Variants in CYP4Z1 observed in about 807,000 individuals in gnomAD.
CYP4Z1 encodes cytochrome P450 family 4 subfamily Z member 1.
CYP4Z1 carries 41 observed loss-of-function variants against 54.2 expected under a neutral mutation model. The ratio of observed to expected loss-of-function variants is 0.76; its 90% CI spans 0.59 to 0.98. The LOEUF is 0.98. Among genes scored for constraint, CYP4Z1 ranks in the 50% least tolerant of loss-of-function variants. The pLI, the probability that CYP4Z1 is intolerant of heterozygous loss-of-function variation, is 0.00. For synonymous variants in CYP4Z1, 163 were observed against 206.2 expected, an observed-to-expected ratio of 0.79 and a Z score of 1.79; for missense variants, 513 against 599.0, an observed-to-expected ratio of 0.86 and a Z score of 1.50.
intron 8 of CYP4Z1, among the ~76,000 whole-genome samples, chr1:47,101,666 A>G (rs1644722386): frequency 6.6e-6 from 1 of 152,190 alleles, no homozygotes; most frequent in African/African-American, 2.4e-5. Flanking sequence ...GTGTCCTAAC[A>G]TACAGTCTAT....
rs1308317829 is a variant in CYP4Z1 at position 47,093,731 on chromosome 1, C to G, written c.773-835C>G. On this transcript the variant is annotated intron_variant, in intron 6 of 11. Coordinates refer to ENST00000334194, the MANE Select transcript of CYP4Z1 (RefSeq NM_178134.3). ...ATTTGGCTATGGAAGACATTTTACT[C>G]CTAACTGCTAAAGGCAGAACTTTCC... is the stretch of plus-strand genomic sequence containing the variant. Among the ~76,000 whole-genome samples, 8 of 152,242 alleles carry G rather than the reference C, an allele frequency of 5.3e-5. No individual in the cohort carries two copies. In the East Asian group the frequency reaches 1.5e-3, roughly 29 times the overall value.
chr1:47,109,438 AGT>A (rs1170592454), intron 9 of CYP4Z1, among the ~76,000 whole-genome samples: 1 of 152,208 alleles, frequency 6.6e-6, no homozygotes, highest in Non-Finnish European at 1.5e-5. Context: ...CTTTAGGAAA[AGT>A]GTATATTAAT....
At chr1:47,088,103 T>C (rs1644611350) in intron 6 of CYP4Z1, among the ~76,000 whole-genome samples, 1 of 152,212 alleles carries the variant, frequency 6.6e-6, no homozygotes. Flanking sequence ...TTGCCAGTAT[T>C]TTATTAAGGA....
At chr1:47,116,496 A>G (rs1270946702) in intron 10 of CYP4Z1, among the ~76,000 whole-genome samples, 154 bp from the exon 11 acceptor site, 2 of 152,160 alleles carry the variant, frequency 1.3e-5, no homozygotes, top group Non-Finnish European at 1.5e-5. Context: ...GGGGAACATC[A>G]AGCAGGACTT....
chr1:47,067,497 C>G lies in CYP4Z1; in HGVS notation c.7C>G (p.Pro3Ala). 6.2e-7 allele frequency: 1 copy of G among 1,606,080 alleles called. No individual in the cohort carries two copies. Residue 3 changes from proline (P) to alanine (A), a missense_variant, in exon 1 of 12, where the codon CCC (proline) becomes GCC (alanine). Pro to Ala is a conservative substitution (Grantham distance 27). Coordinates refer to ENST00000334194, the MANE Select transcript of CYP4Z1 (RefSeq NM_178134.3). ME[P>A]SWLQELMAHP... ...CTCAGGACCTCTGAGAAGAATGGAG[C>G]CCTCCTGGCTTCAGGAACTCATGGC...
intron 8 of CYP4Z1, among the ~76,000 whole-genome samples, chr1:47,102,923 C>G (rs1472308205): frequency 6.6e-6 from 1 of 151,848 alleles, no homozygotes; most frequent in Non-Finnish European, 1.5e-5. Context: ...GTTTTCTAAC[C>G]CTTTTGTTTC....
chr1:47,115,725 C>A, intron 10 of CYP4Z1, 132 bp downstream of exon 10: 1 of 855,296 alleles, frequency 1.2e-6, no homozygotes, highest in Non-Finnish European at 1.8e-6. Context: ...AACAAAAACC[C>A]TATGCTTTTA....
chr1:47,103,595 C>CTTTTTTTTTTTTTTTTTTT (rs373166937), intron 8 of CYP4Z1, among the ~76,000 whole-genome samples: 9 of 96,012 alleles, frequency 9.4e-5, no homozygotes, highest in East Asian at 6.7e-4. Flanking sequence ...TCTTTTTTTT[C>CTTTTTTTTTTTTTTTTTTT]TTTTTTTTTT....
intron 6 of CYP4Z1, among the ~76,000 whole-genome samples, chr1:47,092,247 A>G (rs1323284471): frequency 9.2e-5 from 14 of 151,920 alleles, no homozygotes; most frequent in South Asian, 8.3e-4. Flanking sequence ...GGACTTTGCA[A>G]GCCTGCAAAG....
intron 9 of CYP4Z1, among the ~76,000 whole-genome samples, chr1:47,111,488 A>T (rs1158140907): frequency 1.3e-5 from 2 of 152,100 alleles, no homozygotes; most frequent in Non-Finnish European, 2.9e-5. Flanking sequence ...CAGCCCTGCA[A>T]TTTTTTAAAG....
chr1:47,076,205 G>A (rs1417098868), intron 2 of CYP4Z1, among the ~76,000 whole-genome samples: 4 of 148,298 alleles, frequency 2.7e-5, no homozygotes, highest in African/African-American at 1.0e-4. Flanking sequence ...TTAAAGTTTT[G>A]TCAATTTTGT....
rs778116331 is a variant in CYP4Z1 at position 47,117,831 on chromosome 1, G to A, written c.1415G>A (p.Arg472His). ...GTGGCAGTGGCATTAACTCTGCTCC[G>A]CTTCAAGCTGGCTCCAGACCACTCA... ...CKVAVALTLL[R>H]FKLAPDHSRP... Residue 472 changes from arginine (R) to histidine (H), a missense_variant, in exon 12 of 12, where the codon CGC (arginine) becomes CAC (histidine). Transcript: ENST00000334194. 2.5e-5 allele frequency: 40 copies of A among 1,613,514 alleles called. No homozygotes were observed. Among genetic ancestry groups the A allele is most frequent in the East Asian group, 4.5e-5 (2 of 44,870 alleles).
intron 7 of CYP4Z1, among the ~76,000 whole-genome samples, chr1:47,096,067 A>G (rs1337011045): frequency 5.3e-5 from 8 of 152,178 alleles, no homozygotes; most frequent in Admixed American, 3.3e-4. Flanking sequence ...GCACTGCAAA[A>G]TGAGGTGGAT....
In CYP4Z1 at chr1:47,118,009, C is replaced by T; in HGVS notation, c.*75C>T. ...GAAGAACAAAAGGATAAATATAATACAAAATATATGTATATGGTTGTTTGA... is the reference window on the plus strand; with the variant it reads ...GAAGAACAAAAGGATAAATATAATATAAAATATATGTATATGGTTGTTTGA... On this transcript the variant is annotated 3_prime_UTR_variant, in exon 12 of 12. Coordinates refer to ENST00000334194, the MANE Select transcript of CYP4Z1 (RefSeq NM_178134.3). 8 of 1,420,372 alleles carry T rather than the reference C, an allele frequency of 5.6e-6. No homozygotes were observed. The South Asian group carries it at 6.5e-5, about 12-fold the overall frequency. 88.0% of individuals were successfully genotyped at this position (1,420,372 alleles called of 1,614,324 possible). A position where few individuals can be genotyped will look rare whatever the true frequency, so the allele number is the denominator to read the frequency against.
the CYP4Z1 span, among the ~76,000 whole-genome samples, chr1:47,061,560 A>C: frequency 1.3e-5 from 2 of 152,178 alleles, no homozygotes; most frequent in African/African-American, 4.8e-5. Flanking sequence ...ATCCCAAAGA[A>C]GCCCAGAACC....
chr1:47,097,969 T>A (rs1644690486), intron 7 of CYP4Z1, among the ~76,000 whole-genome samples: 1 of 151,782 alleles, frequency 6.6e-6, no homozygotes, highest in Non-Finnish European at 1.5e-5. Context: ...ATGCCAACCA[T>A]CATGCCCAGC....
chr1:47,096,226 T>C (rs748963419), intron 7 of CYP4Z1, among the ~76,000 whole-genome samples: 5 of 152,290 alleles, frequency 3.3e-5, no homozygotes, highest in Non-Finnish European at 5.9e-5. Flanking sequence ...GAGACAAGCC[T>C]GGGCAACATA....
At chr1:47,087,296 T>C (rs1377912789) in intron 6 of CYP4Z1, among the ~76,000 whole-genome samples, 9 of 152,056 alleles carry the variant, frequency 5.9e-5, no homozygotes, top group Non-Finnish European at 1.2e-4. Context: ...AGTATGGCCA[T>C]TTTCACGATA....
At position 47,117,850 on chromosome 1, in the gene CYP4Z1, C is replaced by T. The variant is rs1245061686; in HGVS notation, c.1434C>T (p.Asp478=). ...LTLLRFKLAP[D]HSRPPQPVRQ... ...TGCTCCGCTTCAAGCTGGCTCCAGA[C>T]CACTCAAGGCCTCCCCAGCCTGTTC... Residue 478 remains aspartate, a synonymous_variant, in exon 12 of 12, where the codon GAC becomes GAT. Coordinates refer to ENST00000334194, the MANE Select transcript of CYP4Z1 (RefSeq NM_178134.3). 9 of 1,613,606 alleles carry T rather than the reference C, an allele frequency of 5.6e-6. No homozygotes were observed. The highest frequency in any genetic ancestry group is 5.0e-5 in the Admixed American group (3 of 59,914).
Sources: allele counts gnomAD v4.1 joint callset (sites outside exome capture counted in the v4.1 genomes callset), GRCh38; gene constraint gnomAD v4.1.1; transcripts MANE v1.5; gene names NCBI Gene and HGNC (gene_info 2026-07-23, HGNC 2026-07-21).